Variants in TYW1 observed in about 807,000 individuals in gnomAD.
TYW1 encodes the protein tRNA-yW synthesizing protein 1 homolog, also known as S-adenosyl-L-methionine-dependent tRNA 4-demethylwyosine synthase TYW1.
In TYW1, 46 loss-of-function variants were observed where a neutral mutation model predicts 96.2. The ratio of observed to expected loss-of-function variants is 0.48; its 90% confidence interval spans 0.38 to 0.61. TYW1 has a LOEUF of 0.61. Ranked by LOEUF, TYW1 falls within the 20% of genes least tolerant of loss-of-function variation. The probability of loss-of-function intolerance (pLI) is 0.00; values close to 1 mark genes in which losing one functional copy is unlikely to be tolerated. For synonymous variants in TYW1, 274 were observed against 323.0 expected (o/e 0.85, Z 1.63); for missense variants, 684 against 909.6 (o/e 0.75, Z 3.19).
At chr7:67,229,624 C>T (rs1801682254) in intron 15 of TYW1, among the ~76,000 whole-genome samples, 1 of 150,550 alleles carries the variant, frequency 6.6e-6, no homozygotes, top group Non-Finnish European at 1.5e-5. Context: ...ATATTGCACA[C>T]AAATAAGGGG....
rs1014688543 is a variant in TYW1 at position 67,202,686 on chromosome 7, C to T, written c.1977+7349C>T. Among the ~76,000 whole-genome samples the T allele has an allele frequency of 3.7e-4, 56 of 152,232 alleles. 1 individual carries two copies. The highest frequency in any genetic ancestry group is 3.4e-3 in the Middle Eastern group (1 of 294). On this transcript the variant is annotated intron_variant, in intron 15 of 15. Transcript: ENST00000359626. ...TGCTGGGATTACAGACATGAGCCAC[C>T]GTAAGCCCAGCCTCAATTTCTACTA... is the stretch of plus-strand genomic sequence containing the variant.
At position 67,181,675 on chromosome 7, in the gene TYW1, G is replaced by A. The variant is rs530242766; in HGVS notation, c.1699-1451G>A. 2.2e-5 allele frequency among the ~76,000 whole-genome samples: 3 copies of A among 136,250 alleles called. No homozygotes were observed. In the East Asian group the frequency reaches 5.9e-4, roughly 27 times the overall value. The allele number at this position is 136,250 out of a possible 152,430, so 89.4% of individuals were successfully genotyped here. A position where few individuals can be genotyped will look rare whatever the true frequency, so the allele number is the denominator to read the frequency against. ...TGTGGTTTGAGGGTTGGCAGCCTGAGTGTTACCTGGGCATTTGCTACAGAT... is the reference window on the plus strand; with the variant it reads ...TGTGGTTTGAGGGTTGGCAGCCTGAATGTTACCTGGGCATTTGCTACAGAT... On this transcript the variant is annotated intron_variant, in intron 13 of 15. Coordinates refer to ENST00000359626, the MANE Select transcript of TYW1 (RefSeq NM_018264.4).
chr7:67,082,237 C>T (rs988630299), intron 10 of TYW1, among the ~76,000 whole-genome samples: 2 of 152,138 alleles, frequency 1.3e-5, no homozygotes, highest in Non-Finnish European at 2.9e-5. Flanking sequence ...TCTGGTATAA[C>T]AGTCACCCCT....
At chr7:67,066,740 T>C (rs940646114) in intron 9 of TYW1, among the ~76,000 whole-genome samples, 1 of 152,078 alleles carries the variant, frequency 6.6e-6, no homozygotes, top group African/African-American at 2.4e-5. Context: ...CCCAGCTACT[T>C]GAGAGTCTGA....
chr7:67,230,305 A>G (rs539059363), intron 15 of TYW1, among the ~76,000 whole-genome samples: 1 of 148,130 alleles, frequency 6.8e-6, no homozygotes, highest in Middle Eastern at 3.4e-3. Flanking sequence ...TTTGCCTGCC[A>G]GTCCTCTCCT....
intron 15 of TYW1, among the ~76,000 whole-genome samples, chr7:67,195,665 A>G (rs1409986210): frequency 6.6e-6 from 1 of 152,196 alleles, no homozygotes; most frequent in African/African-American, 2.4e-5. Flanking sequence ...AAAAGCTAAA[A>G]TAGTAAATAG....
At chr7:67,108,446 T>TC (rs1273866609) in intron 12 of TYW1, among the ~76,000 whole-genome samples, 2 of 149,304 alleles carry the variant, frequency 1.3e-5, no homozygotes, top group African/African-American at 4.9e-5. Context: ...ATTTTTTCTT[T>TC]TTTTTTTTTT....
intron 6 of TYW1, among the ~76,000 whole-genome samples, chr7:67,020,588 T>A (rs893237048): frequency 9.2e-5 from 14 of 152,256 alleles, no homozygotes; most frequent in Admixed American, 8.5e-4. Context: ...TGTTTAAAAG[T>A]GATTTTTCAT....
At chr7:67,093,084 C>T (rs55974240) in intron 11 of TYW1, among the ~76,000 whole-genome samples, 36,883 of 152,008 alleles carry the variant, frequency 0.24, 4,775 homozygotes, top group African/African-American at 0.32. Flanking sequence ...GGAGGGTCAC[C>T]TGAGCCCAGG....
At chr7:67,216,345 T>TA (rs1366707623) in intron 15 of TYW1, among the ~76,000 whole-genome samples, 1 of 136,248 alleles carries the variant, frequency 7.3e-6, no homozygotes, top group Non-Finnish European at 1.6e-5. Flanking sequence ...AAAAGTTACT[T>TA]ACGATTTTCT....
At chr7:67,222,866 CTTTTTTTTTTTTTTT>C (rs570972265) in intron 15 of TYW1, among the ~76,000 whole-genome samples, 1 of 109,630 alleles carries the variant, frequency 9.1e-6, no homozygotes, top group African/African-American at 3.6e-5. Flanking sequence ...CGCTTTTTTT[CTTTTTTTTTTTTTTT>C]TTTTGCTATT....
intron 10 of TYW1, among the ~76,000 whole-genome samples, chr7:67,079,614 A>AT (rs60332778): frequency 0.18 from 26,689 of 148,358 alleles, 2,761 homozygotes; most frequent in African/African-American, 0.29. Flanking sequence ...TCTGATTATT[A>AT]TTTTTTTCTG....
At chr7:67,209,819 G>A (rs1442499058) in intron 15 of TYW1, among the ~76,000 whole-genome samples, 3 of 152,014 alleles carry the variant, frequency 2.0e-5, no homozygotes, top group Non-Finnish European at 4.4e-5. Context: ...TGATCCACCC[G>A]CCTTGGCCTC....
intron 3 of TYW1, among the ~76,000 whole-genome samples, chr7:67,000,295 T>TA (rs1346999970): frequency 2.6e-5 from 4 of 151,978 alleles, no homozygotes; most frequent in Non-Finnish European, 4.4e-5. Flanking sequence ...ACAGCTATTT[T>TA]AAAAAAATTT....
intron 7 of TYW1, among the ~76,000 whole-genome samples, chr7:67,029,156 G>A (rs1562973303): frequency 6.6e-6 from 1 of 151,622 alleles, no homozygotes. Context: ...CTGCCACTGC[G>A]CCCAGCTAAT....
chr7:67,069,265 A>T (rs1333282557), intron 10 of TYW1, among the ~76,000 whole-genome samples: 10 of 152,192 alleles, frequency 6.6e-5, no homozygotes, highest in Admixed American at 6.5e-4. Context: ...TTTTGAATTG[A>T]TATTATTTGA....
rs4717339 is a variant in TYW1 at position 67,009,572 on chromosome 7, G to T, written c.274-11G>T. 21 of 1,602,652 alleles carry T rather than the reference G, an allele frequency of 1.3e-5. No homozygotes were observed. The highest frequency in any genetic ancestry group is 1.7e-5 in the Admixed American group (1 of 57,260). ...GAAGACTTTATTTGATGTTTTTTTT[G>T]GTCCTATTAGGGATTCGCAACAGTT... is the stretch of plus-strand genomic sequence containing the variant. On this transcript the variant is annotated splice_polypyrimidine_tract_variant and intron_variant, in intron 3 of 15. Coordinates refer to ENST00000359626, the MANE Select transcript of TYW1 (RefSeq NM_018264.4).
intron 11 of TYW1, among the ~76,000 whole-genome samples, chr7:67,086,072 C>T (rs1796540891): frequency 6.6e-6 from 1 of 151,756 alleles, no homozygotes; most frequent in South Asian, 2.1e-4. Context: ...GATAGGCTGA[C>T]TTTTTTTTGT....
intron 11 of TYW1, among the ~76,000 whole-genome samples, chr7:67,097,557 C>A (rs1373553561): frequency 6.6e-6 from 1 of 152,184 alleles, no homozygotes; most frequent in Admixed American, 6.5e-5. Flanking sequence ...CGCCACCACG[C>A]CCAGCTAATT....
Sources: allele counts gnomAD v4.1 joint callset (sites outside exome capture counted in the v4.1 genomes callset), GRCh38; gene constraint gnomAD v4.1.1; transcripts MANE v1.5; gene names NCBI Gene and HGNC (gene_info 2026-07-23, HGNC 2026-07-21).